Variants in TMEM132D observed in about 807,000 individuals in gnomAD.
TMEM132D encodes the protein transmembrane protein 132D.
TMEM132D carries 21 observed loss-of-function variants against 62.3 expected under a neutral mutation model. The ratio of observed to expected loss-of-function variants is 0.34; its 90% CI spans 0.24 to 0.49. The LOEUF (loss-of-function observed/expected upper bound fraction) is 0.49, where lower values mean the gene tolerates loss of function less well. Ranked by LOEUF, TMEM132D falls within the 20% of genes least tolerant of loss-of-function variation. The probability of loss-of-function intolerance (pLI) is 0.99; values close to 1 mark genes in which losing one functional copy is unlikely to be tolerated. For synonymous variants in TMEM132D, 621 were observed against 575.6 expected, an observed-to-expected ratio of 1.08 and a Z score of -1.13; for missense variants, 1,346 against 1,402.8, an observed-to-expected ratio of 0.96 and a Z score of 0.65.
At chr12:129,715,626 G>C (rs1427279401) in intron 1 of TMEM132D, among the ~76,000 whole-genome samples, 1 of 152,126 alleles carries the variant, frequency 6.6e-6, no homozygotes, top group African/African-American at 2.4e-5. Context: ...GCAATTCAAC[G>C]TTCCTTTACT....
At chr12:129,367,402 A>G (rs1437699256) in intron 3 of TMEM132D, among the ~76,000 whole-genome samples, 3 of 152,122 alleles carry the variant, frequency 2.0e-5, no homozygotes, top group Non-Finnish European at 4.4e-5. Context: ...CCTTTCCTTT[A>G]GGGAACTTCC....
intron 1 of TMEM132D, among the ~76,000 whole-genome samples, chr12:129,884,284 G>C (rs1874689223): frequency 6.6e-6 from 1 of 152,136 alleles, no homozygotes; most frequent in Non-Finnish European, 1.5e-5. Context: ...TAAATAAAAA[G>C]TCTTCTCTGC....
chr12:129,397,934 G>A (rs1380019876), intron 3 of TMEM132D, among the ~76,000 whole-genome samples: 1 of 152,062 alleles, frequency 6.6e-6, no homozygotes, highest in Non-Finnish European at 1.5e-5. Flanking sequence ...TTTTCTTTGG[G>A]GCCAAAACCT....
chr12:129,100,535 C>T (rs1312024023), intron 5 of TMEM132D, among the ~76,000 whole-genome samples: 2 of 152,194 alleles, frequency 1.3e-5, no homozygotes, highest in African/African-American at 2.4e-5. Context: ...AGTGAATGTG[C>T]AGAACTTATC....
chr12:129,821,807 C>T (rs1042507519), intron 1 of TMEM132D, among the ~76,000 whole-genome samples: 4 of 152,146 alleles, frequency 2.6e-5, no homozygotes, highest in Non-Finnish European at 5.9e-5. Flanking sequence ...TTGCCAACTT[C>T]CAGGAGATGT....
chr12:129,320,689 C>A (rs186688390), intron 4 of TMEM132D, among the ~76,000 whole-genome samples: 11 of 152,064 alleles, frequency 7.2e-5, no homozygotes, highest in Non-Finnish European at 1.5e-4. Flanking sequence ...TTACCATCTA[C>A]AGTATAGAAA....
chr12:129,075,895 C>G (rs1204184600), intron 8 of TMEM132D, among the ~76,000 whole-genome samples: 1 of 152,204 alleles, frequency 6.6e-6, no homozygotes, highest in East Asian at 1.9e-4. Flanking sequence ...TTATGCTTGA[C>G]AGCAGTGGCA....
At chr12:129,739,766 T>C (rs1192559296) in intron 1 of TMEM132D, among the ~76,000 whole-genome samples, 1 of 152,122 alleles carries the variant, frequency 6.6e-6, no homozygotes, top group East Asian at 1.9e-4. Flanking sequence ...TGGGAGGCGC[T>C]GGCAGGAAAT....
intron 1 of TMEM132D, among the ~76,000 whole-genome samples, chr12:129,800,837 G>A (rs1337833886): frequency 6.6e-6 from 1 of 152,112 alleles, no homozygotes; most frequent in Non-Finnish European, 1.5e-5. Flanking sequence ...CCAGACAGTG[G>A]GCACAGCTCA....
intron 1 of TMEM132D, among the ~76,000 whole-genome samples, chr12:129,792,503 C>T (rs554019302): frequency 2.0e-4 from 31 of 152,238 alleles, no homozygotes; most frequent in South Asian, 1.2e-3. Flanking sequence ...ATTCATCGTC[C>T]GGTACATATT....
chr12:129,725,984 G>A (rs890394239), intron 1 of TMEM132D, among the ~76,000 whole-genome samples: 26 of 152,194 alleles, frequency 1.7e-4, no homozygotes, highest in Admixed American at 5.2e-4. Context: ...CAGAGTCTGG[G>A]ATTTTGATAC....
chr12:129,196,080 T>C (rs78569314), intron 5 of TMEM132D, among the ~76,000 whole-genome samples: 11,948 of 151,802 alleles, frequency 0.079, 539 homozygotes, highest in Middle Eastern at 0.11. Flanking sequence ...TGAGCTGAGA[T>C]GGCGCCACTG....
At chr12:129,219,602 T>C (rs1050263292) in intron 4 of TMEM132D, among the ~76,000 whole-genome samples, 1 of 152,182 alleles carries the variant, frequency 6.6e-6, no homozygotes, top group Non-Finnish European at 1.5e-5. Context: ...AAAATGTGAC[T>C]TACTTTTTGA....
At chr12:129,561,582 C>A in intron 2 of TMEM132D, among the ~76,000 whole-genome samples, 1 of 152,096 alleles carries the variant, frequency 6.6e-6, no homozygotes, top group South Asian at 2.1e-4. Context: ...ACAACATAAG[C>A]TATTTAAAGC....
At chr12:129,337,439 ACG>A (rs1242351376) in intron 4 of TMEM132D, among the ~76,000 whole-genome samples, 193 bp downstream of exon 4, 1 of 117,762 alleles carries the variant, frequency 8.5e-6, no homozygotes. Flanking sequence ...AGATACACAC[ACG>A]CACACACACA....
chr12:129,468,532 C>T (rs1216895868), intron 3 of TMEM132D, among the ~76,000 whole-genome samples: 1 of 151,946 alleles, frequency 6.6e-6, no homozygotes, highest in African/African-American at 2.4e-5. Flanking sequence ...AGACAAGCTC[C>T]AAGGGCTGCC....
chr12:129,732,411 T>C (rs1231466556), intron 1 of TMEM132D, among the ~76,000 whole-genome samples: 2 of 152,176 alleles, frequency 1.3e-5, no homozygotes, highest in African/African-American at 2.4e-5. Flanking sequence ...AACCTCACGT[T>C]GAATTGGCAT....
chr12:129,315,606 T>C (rs1055403197), intron 4 of TMEM132D, among the ~76,000 whole-genome samples: 17 of 152,202 alleles, frequency 1.1e-4, no homozygotes, highest in Admixed American at 2.0e-4. Context: ...TGTAGTTTTC[T>C]TTTTTGGTTA....
Position 129,337,668 on chromosome 12 carries a change from G to A in TMEM132D, c.1265C>T (p.Pro422Leu), listed in dbSNP as rs2135657951. The change falls in exon 4 of 9, where the codon CCA becomes CTA. Residue 422 changes from proline (P) to leucine (L), a missense_variant. By Grantham distance (98) the Pro-to-Leu change is moderately conservative. Coordinates refer to ENST00000422113, the MANE Select transcript of TMEM132D (RefSeq NM_133448.3). Reference sequence around the variant, plus strand: ...CGGCACAACTCCAATCAAGTCCTTTGGGCTCACATAGATCTTGGACACTCC... The same window carrying A: ...CGGCACAACTCCAATCAAGTCCTTTAGGCTCACATAGATCTTGGACACTCC... ...DLGVSKIYVS[P>L]KDLIGVVPLA... is the part of the protein sequence containing the mutation. The A allele has an allele frequency of 1.9e-6, 3 of 1,614,072 alleles. No homozygotes were observed. Among genetic ancestry groups the A allele is most frequent in the Middle Eastern group, 1.6e-4 (1 of 6,062 alleles).
Sources: gnomAD v4.1 joint callset for allele counts (sites outside exome capture counted in the v4.1 genomes callset) on GRCh38, gnomAD v4.1.1 for gene constraint, MANE v1.5 for transcripts, NCBI Gene and HGNC (gene_info 2026-07-23, HGNC 2026-07-21) for gene names.